The following NRG1 variants were observed in gnomAD, a reference collection of about 807,000 sequenced individuals.
NRG1 encodes the protein neuregulin 1.
NRG1 carries 18 observed loss-of-function variants against 63.8 expected under a neutral mutation model. The observed-to-expected ratio is 0.28, with a 90% confidence interval of 0.19 to 0.42. The LOEUF (loss-of-function observed/expected upper bound fraction) is 0.42. NRG1 is among the 10% of genes least tolerant of loss of function. The pLI, the probability that NRG1 is intolerant of heterozygous loss-of-function variation, is 1.00. For missense variants in NRG1, 762 were observed against 814.7 expected (o/e 0.94, Z 0.79); for synonymous variants, 302 against 301.3 (o/e 1.00, Z -0.02).
intron 1 of NRG1, among the ~76,000 whole-genome samples, chr8:32,462,626 G>A (rs1284087937): frequency 3.9e-5 from 5 of 129,426 alleles, no homozygotes; most frequent in South Asian, 2.5e-4. Context: ...TTTTTGAGAC[G>A]GAGTTTCAGT....
intron 1 of NRG1, among the ~76,000 whole-genome samples, chr8:32,161,497 A>C (rs968715842): frequency 1.3e-5 from 2 of 152,110 alleles, no homozygotes; most frequent in African/African-American, 4.8e-5. Context: ...AATTGTGTCT[A>C]TATTATAAAA....
chr8:32,162,908 A>G (rs1224940291), intron 1 of NRG1, among the ~76,000 whole-genome samples: 1 of 152,156 alleles, frequency 6.6e-6, no homozygotes, highest in African/African-American at 2.4e-5. Flanking sequence ...GAGGGGTGCA[A>G]TATGAACCAA....
At chr8:32,655,255 T>A (rs76497192) in intron 5 of NRG1, among the ~76,000 whole-genome samples, 1 of 152,222 alleles carries the variant, frequency 6.6e-6, no homozygotes, top group East Asian at 1.9e-4. Context: ...ATGAAAAACT[T>A]TGAAGGAAGT....
rs538323041 is a variant in NRG1, at chr8:32,475,839, GAAGTT to G, written c.38-119982_38-119978del. ...CACTCACAGGTTCTGTGATGTTAGG[GAAGTT>G]AAGTTATTTGCAATAAAAATTATTA... On this transcript the variant is annotated intron_variant, in intron 1 of 10. Coordinates refer to the NRG1 transcript ENST00000519301. Among the ~76,000 whole-genome samples the G allele has an allele frequency of 9.2e-5, 14 of 152,310 alleles. No individual in the cohort carries two copies. In the South Asian group the frequency reaches 1.7e-3, roughly 18 times the overall value.
At chr8:32,038,279 T>G (rs966966906) in intron 1 of NRG1, among the ~76,000 whole-genome samples, 16 of 152,306 alleles carry the variant, frequency 1.1e-4, no homozygotes, top group African/African-American at 3.1e-4. Flanking sequence ...CGCTCCACCC[T>G]GCTTTTCCTC....
chr8:32,759,676 C>T (rs1336259303), intron 10 of NRG1, among the ~76,000 whole-genome samples: 1 of 152,118 alleles, frequency 6.6e-6, no homozygotes, highest in Non-Finnish European at 1.5e-5. Context: ...CTGCTACTCA[C>T]CGAATTGCTA....
chr8:32,647,009 A>T, intron 5 of NRG1: 1 of 983,672 alleles, frequency 1.0e-6, no homozygotes, highest in Non-Finnish European at 1.2e-6. Context: ...GTGAATGAGC[A>T]CTCAAGAAGG....
At chr8:31,780,104 C>G (rs867628424) in intron 1 of NRG1, among the ~76,000 whole-genome samples, 1 of 152,128 alleles carries the variant, frequency 6.6e-6, no homozygotes, top group Admixed American at 6.5e-5. Flanking sequence ...GATGATGAGT[C>G]TTTATAAACA....
intron 1 of NRG1, among the ~76,000 whole-genome samples, chr8:32,529,998 C>T (rs544614066): frequency 1.2e-4 from 19 of 152,280 alleles, no homozygotes; most frequent in African/African-American, 4.3e-4. Context: ...CCCTTTATAC[C>T]ACTGGCAGGA....
chr8:32,241,845 A>G (rs980050147), intron 1 of NRG1, among the ~76,000 whole-genome samples: 2 of 151,566 alleles, frequency 1.3e-5, no homozygotes, highest in African/African-American at 2.4e-5. Context: ...TGTAGCCTCG[A>G]ACTCCTGGGC....
intron 5 of NRG1, among the ~76,000 whole-genome samples, chr8:32,638,656 T>C (rs934447788): frequency 2.6e-5 from 4 of 152,150 alleles, no homozygotes; most frequent in Admixed American, 2.6e-4. Flanking sequence ...CTTAAACAAA[T>C]CTGACTCTAG....
At chr8:32,395,079 T>C (rs1046457363) in intron 1 of NRG1, among the ~76,000 whole-genome samples, 2 of 152,314 alleles carry the variant, frequency 1.3e-5, no homozygotes, top group African/African-American at 4.8e-5. Flanking sequence ...CGTCCTCAAT[T>C]CCATATGTAA....
At chr8:31,920,909 T>TAGAC (rs1554576957) in intron 1 of NRG1, among the ~76,000 whole-genome samples, 4 of 151,464 alleles carry the variant, frequency 2.6e-5, no homozygotes, top group African/African-American at 9.7e-5. Context: ...GATAGATAGA[T>TAGAC]AGATAGATAG....
intron 1 of NRG1, among the ~76,000 whole-genome samples, chr8:32,304,685 A>G (rs1855990458): frequency 6.6e-6 from 1 of 152,172 alleles, no homozygotes; most frequent in Non-Finnish European, 1.5e-5. Context: ...GAGCTTGTTA[A>G]GTACCTTGTG....
At chr8:32,772,293 T>G (rs1831877197), downstream of NRG1, among the ~76,000 whole-genome samples, 1 of 151,748 alleles carries the variant, frequency 6.6e-6, no homozygotes, top group Non-Finnish European at 1.5e-5. Flanking sequence ...TTAGCCTATT[T>G]GGATTCAATC....
At chr8:31,853,158 A>G (rs887489242) in intron 1 of NRG1, among the ~76,000 whole-genome samples, 4 of 152,082 alleles carry the variant, frequency 2.6e-5, no homozygotes, top group African/African-American at 4.8e-5. Context: ...AAAGTCATTG[A>G]TAGCTTGATG....
At position 31,793,807 on chromosome 8, in the gene NRG1, C is replaced by T. The variant is rs117545968; in HGVS notation, c.37+154376C>T. Among the ~76,000 whole-genome samples, 707 of 152,272 alleles carry T rather than the reference C, an allele frequency of 4.6e-3. 3 individuals are homozygous for T. The highest frequency in any genetic ancestry group is 7.3e-3 in the Non-Finnish European group (495 of 68,018). On this transcript the variant is annotated intron_variant, in intron 1 of 10. Transcript: ENST00000519301. ...GATGATGCTTTTTCTATCCTTATCACCATTTGTCAAGATACAACTTTCATT... is the reference window on the plus strand; with the variant it reads ...GATGATGCTTTTTCTATCCTTATCATCATTTGTCAAGATACAACTTTCATT...
At chr8:32,670,802 C>G (rs1805450873) in intron 5 of NRG1, among the ~76,000 whole-genome samples, 1 of 152,088 alleles carries the variant, frequency 6.6e-6, no homozygotes, top group South Asian at 2.1e-4. Context: ...CGTTGGTTTG[C>G]TTAAAATCAC....
At chr8:31,796,193 C>G (rs1291836257) in intron 1 of NRG1, among the ~76,000 whole-genome samples, 1 of 152,010 alleles carries the variant, frequency 6.6e-6, no homozygotes, top group East Asian at 1.9e-4. Flanking sequence ...TACAGGTTGA[C>G]CAGAAAACTA....
Sources: allele counts gnomAD v4.1 joint callset (sites outside exome capture counted in the v4.1 genomes callset), GRCh38; gene constraint gnomAD v4.1.1; transcripts MANE v1.5; gene names NCBI Gene and HGNC (gene_info 2026-07-23, HGNC 2026-07-21).